The following NRG1 variants were observed in gnomAD, a reference collection of about 807,000 sequenced individuals.
NRG1 encodes the protein pro-neuregulin-1, membrane-bound isoform.
In NRG1, 18 loss-of-function variants were observed where a neutral mutation model predicts 63.8. The observed-to-expected ratio is 0.28, with a 90% CI of 0.19 to 0.42. The LOEUF (loss-of-function observed/expected upper bound fraction) is 0.42, where lower values mean the gene tolerates loss of function less well. NRG1 is among the 10% of genes least tolerant of loss of function. NRG1 has a pLI of 1.00. For synonymous variants in NRG1, 302 were observed against 301.3 expected, an observed-to-expected ratio of 1.00 and a Z score of -0.02; for missense variants, 762 against 814.7, an observed-to-expected ratio of 0.94 and a Z score of 0.79.
At position 31,716,330 on chromosome 8, in the gene NRG1, G is replaced by A. The variant is rs117464410; in HGVS notation, c.37+76899G>A. 3.5e-3 allele frequency among the ~76,000 whole-genome samples: 529 copies of A among 152,278 alleles called. 5 individuals carry two copies. Among genetic ancestry groups the A allele is most frequent in the Admixed American group, 5.8e-3 (89 of 15,294 alleles). ...TTTTGCATGATGCTGACCAAGTCAT[G>A]TTCATAAATCACATATGTTGATATC... On this transcript the variant is annotated intron_variant, in intron 1 of 10. Coordinates refer to the NRG1 transcript ENST00000519301.
chr8:32,579,659 A>C (rs1041489425), intron 1 of NRG1, among the ~76,000 whole-genome samples: 2 of 152,152 alleles, frequency 1.3e-5, no homozygotes, highest in Non-Finnish European at 2.9e-5. Flanking sequence ...AATTAATGAG[A>C]TGAGTTCCAC....
chr8:32,101,244 C>T (rs1410531319), intron 1 of NRG1, among the ~76,000 whole-genome samples: 3 of 152,070 alleles, frequency 2.0e-5, no homozygotes, highest in African/African-American at 7.2e-5. Context: ...TGATTCTGAG[C>T]CCCTCTCCAG....
At chr8:31,967,906 C>A (rs1563629389) in intron 1 of NRG1, among the ~76,000 whole-genome samples, 1 of 152,172 alleles carries the variant, frequency 6.6e-6, no homozygotes, top group Non-Finnish European at 1.5e-5. Context: ...CCAGCCCTCC[C>A]AGAGAACATC....
At chr8:32,702,426 T>G (rs950395201) in intron 5 of NRG1, among the ~76,000 whole-genome samples, 7 of 152,228 alleles carry the variant, frequency 4.6e-5, no homozygotes, top group Non-Finnish European at 8.8e-5. Context: ...GGCATTTGTG[T>G]TGGTAGAGAT....
At chr8:32,653,957 CGTGT>C (rs34252278) in intron 5 of NRG1, among the ~76,000 whole-genome samples, 10 of 148,684 alleles carry the variant, frequency 6.7e-5, no homozygotes, top group South Asian at 2.1e-4. Context: ...CGTGTGTATG[CGTGT>C]GTGTGTGTGT....
At chr8:32,458,433 G>A (rs1821886143) in intron 1 of NRG1, among the ~76,000 whole-genome samples, 1 of 152,180 alleles carries the variant, frequency 6.6e-6, no homozygotes, top group Non-Finnish European at 1.5e-5. Context: ...GGATCAAAGA[G>A]CTATAAGAAG....
At chr8:32,218,190 T>C (rs1416951763) in intron 1 of NRG1, among the ~76,000 whole-genome samples, 1 of 152,204 alleles carries the variant, frequency 6.6e-6, no homozygotes, top group Admixed American at 6.5e-5. Flanking sequence ...CTGTGCATAG[T>C]GAGCTGTAAT....
At chr8:31,955,227 A>G (rs778114893) in intron 1 of NRG1, among the ~76,000 whole-genome samples, 10 of 152,236 alleles carry the variant, frequency 6.6e-5, no homozygotes, top group Non-Finnish European at 8.8e-5. Context: ...AATAAAAGTC[A>G]TATAAGAGAC....
intron 1 of NRG1, among the ~76,000 whole-genome samples, chr8:31,956,453 T>TA (rs1248505477): frequency 6.6e-6 from 1 of 151,134 alleles, no homozygotes; most frequent in African/African-American, 2.5e-5. Context: ...CCATCTCTAC[T>TA]AAAAAAATAC....
intron 1 of NRG1, among the ~76,000 whole-genome samples, chr8:31,928,640 A>G (rs1834608832): frequency 1.5e-5 from 1 of 64,712 alleles, no homozygotes; most frequent in South Asian, 4.8e-4. Context: ...GAAATACTAT[A>G]TATATATATA....
chr8:32,092,461 C>CA (rs71208167), intron 1 of NRG1, among the ~76,000 whole-genome samples: 7,044 of 83,474 alleles, frequency 0.084, 521 homozygotes, highest in African/African-American at 0.23. Flanking sequence ...GACCCTGTCT[C>CA]AAAAAAAAAA....
chr8:32,457,120 A>G (rs1821692584), intron 1 of NRG1, among the ~76,000 whole-genome samples: 1 of 152,186 alleles, frequency 6.6e-6, no homozygotes, highest in Non-Finnish European at 1.5e-5. Flanking sequence ...TGACGGAGTG[A>G]GACTTTCTCA....
chr8:32,659,191 C>T (rs1485562929), intron 5 of NRG1, among the ~76,000 whole-genome samples: 4 of 145,342 alleles, frequency 2.8e-5, no homozygotes, highest in Non-Finnish European at 5.9e-5. Flanking sequence ...GTTGCCCAGG[C>T]TGGAGTACAG....
At chr8:32,058,527 C>T (rs1203062834) in intron 1 of NRG1, among the ~76,000 whole-genome samples, 2 of 151,978 alleles carry the variant, frequency 1.3e-5, no homozygotes, top group Admixed American at 1.3e-4. Flanking sequence ...CTCTATTTTC[C>T]TCAGTGGCAT....
chr8:31,683,642 C>T (rs1189271035), intron 1 of NRG1, among the ~76,000 whole-genome samples: 1 of 152,080 alleles, frequency 6.6e-6, no homozygotes, highest in Non-Finnish European at 1.5e-5. Flanking sequence ...CATTTGTCAA[C>T]ACCTATAAAA....
chr8:32,305,183 C>A (rs955776693), intron 1 of NRG1, among the ~76,000 whole-genome samples: 1 of 151,786 alleles, frequency 6.6e-6, no homozygotes, highest in Non-Finnish European at 1.5e-5. Flanking sequence ...TTTTTAAATA[C>A]TTTTCTTAGA....
intron 1 of NRG1, among the ~76,000 whole-genome samples, chr8:31,894,127 A>G (rs1378298625): frequency 2.6e-5 from 4 of 152,188 alleles, no homozygotes; most frequent in African/African-American, 9.6e-5. Context: ...AAGAAAGGTA[A>G]TGTAATTTTC....
intron 5 of NRG1, among the ~76,000 whole-genome samples, chr8:32,666,157 C>T (rs959856685): frequency 3.9e-5 from 6 of 152,124 alleles, no homozygotes; most frequent in African/African-American, 1.2e-4. Flanking sequence ...TCCATTTTGG[C>T]CTGGAACTTA....
At chr8:32,347,468 A>C (rs900335836) in intron 1 of NRG1, among the ~76,000 whole-genome samples, 4 of 152,154 alleles carry the variant, frequency 2.6e-5, no homozygotes, top group Non-Finnish European at 4.4e-5. Context: ...GTGTCAACTC[A>C]CCTGCACCTC....
Sources: gnomAD v4.1 joint callset for allele counts (sites outside exome capture counted in the v4.1 genomes callset) on GRCh38, gnomAD v4.1.1 for gene constraint, MANE v1.5 for transcripts, NCBI Gene and HGNC (gene_info 2026-07-23, HGNC 2026-07-21) for gene names.